The following EZH2 variants were observed in gnomAD, a reference collection of about 807,000 sequenced individuals.
EZH2 encodes the protein enhancer of zeste 2 polycomb repressive complex 2 subunit.
Under a neutral mutation model 98.4 loss-of-function variants are expected in EZH2, and 18 were observed. The observed-to-expected ratio is 0.18, with a 90% CI of 0.13 to 0.27. EZH2 has a LOEUF of 0.27. Ranked by LOEUF, EZH2 falls within the 10% of genes least tolerant of loss-of-function variation. The pLI is 1.00. For synonymous variants in EZH2, 338 were observed against 312.3 expected (o/e 1.08, Z -0.87); for missense variants, 470 against 935.1 (o/e 0.50, Z 6.49).
chr7:148,836,113 G>A (rs1810859657), intron 3 of EZH2, among the ~76,000 whole-genome samples: 1 of 152,178 alleles, frequency 6.6e-6, no homozygotes, highest in Non-Finnish European at 1.5e-5. Flanking sequence ...GCCAAGTGTG[G>A]CTTCACCTCT....
intron 1 of EZH2, among the ~76,000 whole-genome samples, chr7:148,850,876 G>A (rs1390070727): frequency 1.3e-5 from 2 of 152,146 alleles, no homozygotes; most frequent in Admixed American, 6.6e-5. Flanking sequence ...GGCACAGTAA[G>A]AGACTGACAG....
chr7:148,881,590 T>C (rs897446195), intron 1 of EZH2, among the ~76,000 whole-genome samples: 6 of 152,142 alleles, frequency 3.9e-5, no homozygotes, highest in Admixed American at 3.9e-4. Context: ...TCATGGCAAG[T>C]ACAAAGAATA....
intron 1 of EZH2, among the ~76,000 whole-genome samples, chr7:148,850,646 C>T (rs1341127047): frequency 6.6e-6 from 1 of 152,132 alleles, no homozygotes; most frequent in Non-Finnish European, 1.5e-5. Context: ...TCACTCTATT[C>T]CCACTGTAAG....
At position 148,873,557 on chromosome 7, in the gene EZH2, A is replaced by ATTTTTT. The variant is rs58553084; in HGVS notation, c.-8+10601_-8+10606dup. On this transcript the variant is annotated intron_variant, in intron 1 of 19. Transcript: ENST00000320356. ...TTTGCAGAATCATTTCATGCTCTTCATTTTTTTTTTTTTTTTTTTTTTTTG... is the reference window on the plus strand; with the variant it reads ...TTTGCAGAATCATTTCATGCTCTTCATTTTTTTTTTTTTTTTTTTTTTTTTTTTTTG... Among the ~76,000 whole-genome samples, 141 of 79,942 alleles carry ATTTTTT rather than the reference A, an allele frequency of 1.8e-3. 5 individuals carry two copies. Among genetic ancestry groups the ATTTTTT allele is most frequent in the African/African-American group, 5.6e-3 (112 of 19,976 alleles). The allele number at this position is 79,942 out of a possible 152,430, so 52.4% of individuals were successfully genotyped here. A position where few individuals can be genotyped will look rare whatever the true frequency, so the allele number is the denominator to read the frequency against.
intron 16 of EZH2, among the ~76,000 whole-genome samples, 179 bp downstream of exon 16, chr7:148,811,446 C>G (rs1803065828): frequency 6.6e-6 from 1 of 152,262 alleles, no homozygotes; most frequent in South Asian, 2.1e-4. Context: ...CCACCGCGCC[C>G]AGCACAATCC....
intron 8 of EZH2, among the ~76,000 whole-genome samples, chr7:148,825,584 G>A (rs546752726): frequency 3.3e-5 from 5 of 152,318 alleles, no homozygotes; most frequent in South Asian, 4.1e-4. Flanking sequence ...TTAAAAAGAC[G>A]TTATCATTGG....
intron 1 of EZH2, among the ~76,000 whole-genome samples, chr7:148,861,021 T>TG (rs1193794056): frequency 6.6e-6 from 1 of 151,900 alleles, no homozygotes; most frequent in Non-Finnish European, 1.5e-5. Flanking sequence ...TCAGTATCCA[T>TG]GGGGGTCTAG....
chr7:148,849,827 C>T (rs1427236847), intron 1 of EZH2, among the ~76,000 whole-genome samples: 2 of 152,180 alleles, frequency 1.3e-5, no homozygotes, highest in Non-Finnish European at 1.5e-5. Flanking sequence ...TTAGTGCTTC[C>T]AAGGCCTAGG....
intron 1 of EZH2, among the ~76,000 whole-genome samples, chr7:148,849,323 A>G (rs1009900870): frequency 6.6e-6 from 1 of 152,186 alleles, no homozygotes; most frequent in African/African-American, 2.4e-5. Flanking sequence ...GAAAGAACCT[A>G]AAGAAATCTT....
Position 148,848,506 on chromosome 7 carries a change from A to G in EZH2, c.-7-1201T>C, listed in dbSNP as rs973763608. On this transcript the variant is annotated intron_variant, in intron 1 of 19. Coordinates refer to ENST00000320356, the MANE Select transcript of EZH2 (RefSeq NM_004456.5). ...TTACATAAAAACTTCATGCACAGAG[A>G]AAACTGCCTAAGAAGAAGATTTAGA... is the stretch of plus-strand genomic sequence containing the variant. Among the ~76,000 whole-genome samples the G allele has an allele frequency of 1.1e-4, 17 of 152,288 alleles. 1 individual carries two copies. Among genetic ancestry groups the G allele is most frequent in the Admixed American group, 7.8e-4 (12 of 15,298 alleles).
chr7:148,846,778 C>G (rs1469578951), intron 2 of EZH2, among the ~76,000 whole-genome samples, 180 bp from the exon 3 acceptor site: 3 of 151,446 alleles, frequency 2.0e-5, no homozygotes, highest in Non-Finnish European at 4.4e-5. Flanking sequence ...AACACCACAT[C>G]TGTTATTTTA....
At chr7:148,826,818 G>A (rs547844409) in intron 7 of EZH2, among the ~76,000 whole-genome samples, 186 bp from the exon 8 acceptor site, 1 of 152,184 alleles carries the variant, frequency 6.6e-6, no homozygotes, top group African/African-American at 2.4e-5. Flanking sequence ...CAAATTCATC[G>A]ATATGATTCA....
intron 1 of EZH2, among the ~76,000 whole-genome samples, chr7:148,865,513 A>G (rs1818314642): frequency 6.6e-6 from 1 of 152,198 alleles, no homozygotes; most frequent in African/African-American, 2.4e-5. Context: ...CAGACTGAAG[A>G]TATTTAGCCA....
chr7:148,825,973 GT>G (rs1807577243), intron 8 of EZH2, among the ~76,000 whole-genome samples: 1 of 152,012 alleles, frequency 6.6e-6, no homozygotes, highest in African/African-American at 2.4e-5. Context: ...AACATTTTAC[GT>G]TTTACTTGTA....
intron 1 of EZH2, among the ~76,000 whole-genome samples, chr7:148,867,406 AATTT>A (rs1260327889): frequency 6.6e-6 from 1 of 152,210 alleles, no homozygotes; most frequent in African/African-American, 2.4e-5. Context: ...AGATGAAGAC[AATTT>A]GTTTTACCGA....
intron 1 of EZH2, among the ~76,000 whole-genome samples, chr7:148,878,046 G>A (rs375276265): frequency 6.6e-6 from 1 of 152,242 alleles, no homozygotes; most frequent in Non-Finnish European, 1.5e-5. Flanking sequence ...TTTTCGGAGT[G>A]TGTTATTAAA....
At chr7:148,866,800 C>CA (rs1403530761) in intron 1 of EZH2, among the ~76,000 whole-genome samples, 1 of 149,498 alleles carries the variant, frequency 6.7e-6, no homozygotes, top group Non-Finnish European at 1.5e-5. Context: ...CTGCAACCTC[C>CA]ACCTCCTGGG....
chr7:148,855,067 C>T (rs760648320), intron 1 of EZH2, among the ~76,000 whole-genome samples: 12 of 152,226 alleles, frequency 7.9e-5, no homozygotes, highest in Non-Finnish European at 1.8e-4. Flanking sequence ...GAAGCAGGCA[C>T]GCAGTGCCAT....
At chr7:148,809,579 A>G (rs1054803747) in intron 17 of EZH2, among the ~76,000 whole-genome samples, 189 bp from the exon 18 acceptor site, 3 of 152,108 alleles carry the variant, frequency 2.0e-5, no homozygotes. Flanking sequence ...GGTTAAAATT[A>G]ATCACCTATA....
Sources: gnomAD v4.1 joint callset for allele counts (sites outside exome capture counted in the v4.1 genomes callset) on GRCh38, gnomAD v4.1.1 for gene constraint, MANE v1.5 for transcripts, NCBI Gene and HGNC (gene_info 2026-07-23, HGNC 2026-07-21) for gene names.